The following SMO variants were observed in gnomAD, a reference collection of about 807,000 sequenced individuals.
The protein encoded by SMO is protein smoothened.
In SMO, 40 loss-of-function variants were observed where a neutral mutation model predicts 81.6. That is an observed-to-expected ratio of 0.49 (90% CI 0.38 to 0.64). The LOEUF (loss-of-function observed/expected upper bound fraction) is 0.64. Ranked by LOEUF, SMO falls within the 30% of genes least tolerant of loss-of-function variation. The pLI, the probability that SMO is intolerant of heterozygous loss-of-function variation, is 0.00. For synonymous variants in SMO, 434 were observed against 432.1 expected (o/e 1.00, Z -0.05); for missense variants, 916 against 1,061.1 (o/e 0.86, Z 1.90).
intron 1 of SMO, among the ~76,000 whole-genome samples, chr7:129,200,864 T>C (rs908971925): frequency 5.9e-5 from 9 of 152,286 alleles, no homozygotes; most frequent in African/African-American, 1.9e-4. Flanking sequence ...GCCTCCCAAG[T>C]AGCTGGGACT....
chr7:129,203,230 T>C (rs1426397926), intron 1 of SMO, among the ~76,000 whole-genome samples, 154 bp from the exon 2 acceptor site: 1 of 152,216 alleles, frequency 6.6e-6, no homozygotes, highest in Non-Finnish European at 1.5e-5. Flanking sequence ...TAAAGAACTG[T>C]CCTGCCCAGA....
intron 1 of SMO, among the ~76,000 whole-genome samples, chr7:129,202,334 A>G (rs147963482): frequency 2.5e-4 from 38 of 152,284 alleles, no homozygotes; most frequent in African/African-American, 9.1e-4. Flanking sequence ...GTTGCCATGC[A>G]CATGCCCCTT....
At chr7:129,205,512 GGAAGGGTCATGATCA>G (rs1793749671) in intron 3 of SMO, 83 bp from the exon 4 acceptor site, 1 of 1,522,308 alleles carries the variant, frequency 6.6e-7, no homozygotes, top group South Asian at 1.1e-5. Flanking sequence ...GGGTCCCCAG[GGAAGGGTCATGATCA>G]GAAGGGTCTG....
chr7:129,201,693 G>C (rs1437829386), intron 1 of SMO, among the ~76,000 whole-genome samples: 1 of 151,568 alleles, frequency 6.6e-6, no homozygotes, highest in East Asian at 1.9e-4. Context: ...TTATTTTTTT[G>C]TTTTTGAGGC....
At chr7:129,193,703 A>G (rs1489000632) in intron 1 of SMO, among the ~76,000 whole-genome samples, 18 of 133,762 alleles carry the variant, frequency 1.3e-4, no homozygotes, top group South Asian at 2.7e-4. Flanking sequence ...AGCTTGCAGT[A>G]AGCCGAGATC....
chr7:129,209,533 T>C, intron 8 of SMO, 136 bp downstream of exon 8: 1 of 624,150 alleles, frequency 1.6e-6, no homozygotes, highest in South Asian at 1.9e-5. Flanking sequence ...GGTGTCTGGG[T>C]GCATAAGGCA....
intron 1 of SMO, among the ~76,000 whole-genome samples, chr7:129,200,185 A>C (rs1393793372): frequency 1.3e-5 from 2 of 152,158 alleles, no homozygotes; most frequent in Non-Finnish European, 2.9e-5. Context: ...TGGGAGACCG[A>C]GGCGGGTGGA....
chr7:129,191,507 T>C (rs1162564322), intron 1 of SMO, among the ~76,000 whole-genome samples: 1 of 152,116 alleles, frequency 6.6e-6, no homozygotes, highest in Non-Finnish European at 1.5e-5. Context: ...ATATGTGTTC[T>C]GGTTGCACTC....
Position 129,211,456 on chromosome 7 carries a change from A to G in SMO, c.1802-180A>G, listed in dbSNP as rs1274880474. ...TGGCCTCCAGTTAGGCCCTTTGGGGACGTGAGGCCCTTCTCTTCAGATTCT... is the reference window on the plus strand; with the variant it reads ...TGGCCTCCAGTTAGGCCCTTTGGGGGCGTGAGGCCCTTCTCTTCAGATTCT... On this transcript the variant is annotated intron_variant, in intron 10 of 11. Coordinates refer to ENST00000249373, the MANE Select transcript of SMO (RefSeq NM_005631.5). This position sits in a 1 kb window ranked among gnomAD's most constrained non-coding sequence, Gnocchi z 4.6. 1.3e-6 allele frequency: 1 copy of G among 758,356 alleles called. No individual in the cohort carries two copies. The highest frequency in any genetic ancestry group is 2.3e-6 in the Non-Finnish European group (1 of 435,528). 47.0% of individuals were successfully genotyped at this position (758,356 alleles called of 1,614,324 possible). A position where few individuals can be genotyped will look rare whatever the true frequency, so the allele number is the denominator to read the frequency against.
At chr7:129,209,679 C>CA in intron 8 of SMO, 1 of 390,284 alleles carries the variant, frequency 2.6e-6, no homozygotes, top group Middle Eastern at 7.2e-4. Context: ...TTCGTCTTCT[C>CA]TGACTGACAC....
In SMO at chr7:129,211,587, G is replaced by A. The variant is rs2150655401; in HGVS notation, c.1802-49G>A. 6.3e-7 allele frequency: 1 copy of A among 1,599,862 alleles called. No individual in the cohort carries two copies. The highest frequency in any genetic ancestry group is 8.5e-7 in the Non-Finnish European group (1 of 1,173,326). ...ACTGACTATGGGAGGCACTGCCAGG[G>A]ACCGGGAAGTCACTATTCCTTCTCC... is the stretch of plus-strand genomic sequence containing the variant. On this transcript the variant is annotated intron_variant, in intron 10 of 11. Coordinates refer to ENST00000249373, the MANE Select transcript of SMO (RefSeq NM_005631.5). The surrounding 1 kb of genome is among the most constrained non-coding windows in gnomAD (Gnocchi z 4.6).
Position 129,210,221 on chromosome 7 carries a change from C to T in SMO, c.1467-142C>T. ...CTTGGGAGGCTGAAGCAGGAGATTGCCTGAGCCCAGGAGTTGGAAGCTGCA... is the reference window on the plus strand; with the variant it reads ...CTTGGGAGGCTGAAGCAGGAGATTGTCTGAGCCCAGGAGTTGGAAGCTGCA... On this transcript the variant is annotated intron_variant, in intron 8 of 11. Coordinates refer to ENST00000249373, the MANE Select transcript of SMO (RefSeq NM_005631.5). This position sits in a 1 kb window ranked among gnomAD's most constrained non-coding sequence, Gnocchi z 4.7. 6.1e-6 allele frequency: 4 copies of T among 652,062 alleles called. No individual in the cohort carries two copies. Among genetic ancestry groups the T allele is most frequent in the Non-Finnish European group, 1.1e-5 (4 of 377,524 alleles). The allele number at this position is 652,062 out of a possible 1,614,324, so 40.4% of individuals were successfully genotyped here.
chr7:129,189,409 G>T lies in SMO; in HGVS notation c.258G>T (p.Gly86=), dbSNP rs1229614262. The T allele has an allele frequency of 6.5e-7, 1 of 1,538,232 alleles. No homozygotes were observed. Among genetic ancestry groups the T allele is most frequent in the Non-Finnish European group, 8.7e-7 (1 of 1,146,728 alleles). The change falls in exon 1 of 12, where the codon GGG becomes GGT. Residue 86 remains glycine (G), a synonymous_variant. Coordinates refer to ENST00000249373, the MANE Select transcript of SMO (RefSeq NM_005631.5). This position sits in a 1 kb window ranked among gnomAD's most constrained non-coding sequence, Gnocchi z 4.7. The part of the protein sequence containing the change: ...NVCLGSVLPY[G]ATSTLLAGDS... ...GCCTGGGCTCGGTGCTGCCCTACGG[G>T]GCCACCTCCACACTGCTGGCCGGAG...
intron 1 of SMO, among the ~76,000 whole-genome samples, chr7:129,198,230 G>A (rs1793615773): frequency 6.6e-6 from 1 of 152,146 alleles, no homozygotes; most frequent in African/African-American, 2.4e-5. Flanking sequence ...TAGGATTATA[G>A]GCGTGAGCCA....
intron 1 of SMO, among the ~76,000 whole-genome samples, chr7:129,192,581 G>A (rs1223115349): frequency 6.6e-6 from 1 of 152,118 alleles, no homozygotes; most frequent in East Asian, 1.9e-4. Context: ...AGTAAGAGAC[G>A]ATGGCGGTTG....
At position 129,189,440 on chromosome 7, in the gene SMO, G is replaced by T. The variant is rs1234462519; in HGVS notation, c.289G>T (p.Asp97Tyr). ...CTCCACACTGCTGGCCGGAGACTCG[G>T]ACTCCCAGGAGGAAGCGCACGGCAA... ...ATSTLLAGDS[D>Y]SQEEAHGKLV... Residue 97 changes from aspartate (D) to tyrosine (Y), a missense_variant, in exon 1 of 12, where the codon GAC (aspartate) becomes TAC (tyrosine). Physicochemically the swap from Asp to Tyr is radical, Grantham distance 160. Transcript: ENST00000249373. This position sits in a 1 kb window ranked among gnomAD's most constrained non-coding sequence, Gnocchi z 4.7. 1 of 1,538,808 alleles carries T rather than the reference G, an allele frequency of 6.5e-7. No individual in the cohort carries two copies. The highest frequency in any genetic ancestry group is 2.0e-5 in the Admixed American group (1 of 51,002).
At position 129,208,866 on chromosome 7, in the gene SMO, G is replaced by A. The variant is rs761847550; in HGVS notation, c.1357+15G>A. 3 of 1,598,646 alleles carry A rather than the reference G, an allele frequency of 1.9e-6. No individual in the cohort carries two copies. Among genetic ancestry groups the A allele is most frequent in the Non-Finnish European group, 2.6e-6 (3 of 1,167,204 alleles). On this transcript the variant is annotated intron_variant, in intron 7 of 11. Coordinates refer to ENST00000249373, the MANE Select transcript of SMO (RefSeq NM_005631.5). The surrounding 1 kb of genome is among the most constrained non-coding windows in gnomAD (Gnocchi z 5.2). ...GCTGCGCCTGGGTGAGTGGCCCCGG[G>A]GGACTTCGGTCTGAGGTCCTGGCCA...
At chr7:129,196,788 C>T (rs1172853283) in intron 1 of SMO, among the ~76,000 whole-genome samples, 2 of 151,842 alleles carry the variant, frequency 1.3e-5, no homozygotes, top group East Asian at 1.9e-4. Context: ...GAGGCCAAGG[C>T]AGGGGGATCA....
In SMO at chr7:129,211,260, T is replaced by G; in HGVS notation, c.1801+147T>G. ...CCCTCCATCGCTCACACACCCATTC[T>G]TCCCCCGGCCCCTCCTACCCTCTGG... On this transcript the variant is annotated intron_variant, in intron 10 of 11. Transcript: ENST00000249373. This position sits in a 1 kb window ranked among gnomAD's most constrained non-coding sequence, Gnocchi z 4.6. 1.1e-6 allele frequency: 1 copy of G among 886,494 alleles called. No individual in the cohort carries two copies. Among genetic ancestry groups the G allele is most frequent in the South Asian group, 1.4e-5 (1 of 70,074 alleles). The allele number at this position is 886,494 out of a possible 1,614,324, so 54.9% of individuals were successfully genotyped here. A position where few individuals can be genotyped will look rare whatever the true frequency, so the allele number is the denominator to read the frequency against.
Sources: gnomAD v4.1 joint callset for allele counts (sites outside exome capture counted in the v4.1 genomes callset) on GRCh38, gnomAD v4.1.1 for gene constraint, Gnocchi (gnomAD v3.1) non-coding constraint, MANE v1.5 for transcripts, NCBI Gene and HGNC (gene_info 2026-07-23, HGNC 2026-07-21) for gene names.